Variants in HMOX2 observed in about 807,000 individuals in gnomAD.
HMOX2 encodes the protein heme oxygenase (decycling) 2.
Under a neutral mutation model 33.7 loss-of-function variants are expected in HMOX2, and 30 were observed. That is an observed-to-expected ratio of 0.89 (90% CI 0.67 to 1.21). The LOEUF is 1.21. Among genes scored for constraint, HMOX2 ranks in the 50% most tolerant of loss-of-function variants. The pLI, the probability that HMOX2 is intolerant of heterozygous loss-of-function variation, is 0.00. For synonymous variants in HMOX2, 155 were observed against 155.0 expected, an observed-to-expected ratio of 1.00 and a Z score of 0.00; for missense variants, 403 against 399.1, an observed-to-expected ratio of 1.01 and a Z score of -0.08.
At chr16:4,478,984 G>T (rs149165398) in intron 1 of HMOX2, among the ~76,000 whole-genome samples, 1 of 151,682 alleles carries the variant, frequency 6.6e-6, no homozygotes, top group Admixed American at 6.6e-5. Context: ...GTGAAACCCC[G>T]TCTCTACTAA....
chr16:4,486,800 C>G (rs371942845), intron 1 of HMOX2, among the ~76,000 whole-genome samples: 1 of 152,212 alleles, frequency 6.6e-6, no homozygotes, highest in African/African-American at 2.4e-5. Flanking sequence ...TATCTTATGT[C>G]TCCTAGACCA....
chr16:4,506,406 C>T (rs1390147935), intron 2 of HMOX2, among the ~76,000 whole-genome samples: 1 of 152,188 alleles, frequency 6.6e-6, no homozygotes, highest in Non-Finnish European at 1.5e-5. Context: ...CATATAGTCT[C>T]AAAGAAGCTG....
At chr16:4,486,723 G>A (rs888710109) in intron 1 of HMOX2, among the ~76,000 whole-genome samples, 1 of 152,166 alleles carries the variant, frequency 6.6e-6, no homozygotes, top group South Asian at 2.1e-4. Flanking sequence ...ATAAGAGACC[G>A]TGCCCAGAGC....
At chr16:4,481,903 G>C (rs1046078890) in intron 1 of HMOX2, 2 of 152,260 alleles carry the variant, frequency 1.3e-5, no homozygotes, top group Non-Finnish European at 2.9e-5. Context: ...GGAGGGAGAA[G>C]GGAAGGAATA....
chr16:4,486,876 T>C (rs1170105243), intron 1 of HMOX2, among the ~76,000 whole-genome samples: 2 of 152,208 alleles, frequency 1.3e-5, no homozygotes, highest in Non-Finnish European at 2.9e-5. Flanking sequence ...CAGTCCCTTT[T>C]GGCCCCCTTT....
Position 4,505,496 on chromosome 16 carries a change from G to C in HMOX2, c.-29G>C, listed in dbSNP as rs773304208. On this transcript the variant is annotated 5_prime_UTR_variant, in exon 2 of 6. Transcript: ENST00000570646. ...TGTGTCTCTGCAGGACCAGAGGAGC[G>C]AGAGCAGCAAGAACCACACCCAGCA... 2 of 1,562,830 alleles carry C rather than the reference G, an allele frequency of 1.3e-6. No homozygotes were observed. Among genetic ancestry groups the C allele is most frequent in the Non-Finnish European group, 8.7e-7 (1 of 1,143,858 alleles).
At chr16:4,506,809 G>T in intron 2 of HMOX2, 86 bp from the exon 3 acceptor site, 3 of 942,894 alleles carry the variant, frequency 3.2e-6, no homozygotes, top group Non-Finnish European at 3.5e-6. Context: ...TCACCTTGGG[G>T]TGTGGACTCA....
Position 4,507,839 on chromosome 16 carries a change from AAGGAC to A in HMOX2, c.333_337del (p.Lys111AsnfsTer7). On this transcript the variant is annotated frameshift_variant, in exon 4 of 6. Transcript: ENST00000570646. LOFTEE classifies it high-confidence loss of function. ...GCTGCACCGGAAGGAGGCGCTGACC[AAGGAC>A]ATGGAGTATTTCTTTGGTGAAAACT... is the stretch of plus-strand genomic sequence containing the variant. 1 of 1,614,224 alleles carries A rather than the reference AAGGAC, an allele frequency of 6.2e-7. No individual in the cohort carries two copies. The highest frequency in any genetic ancestry group is 8.5e-7 in the Non-Finnish European group (1 of 1,180,040).
At chr16:4,505,054 A>G (rs1026139162) in intron 1 of HMOX2, among the ~76,000 whole-genome samples, 5 of 152,184 alleles carry the variant, frequency 3.3e-5, no homozygotes, top group Admixed American at 1.3e-4. Flanking sequence ...ATTCACTGCT[A>G]GGATTTTGCC....
chr16:4,499,040 C>T (rs1596467063), intron 1 of HMOX2, among the ~76,000 whole-genome samples: 1 of 152,344 alleles, frequency 6.6e-6, no homozygotes, highest in Non-Finnish European at 1.5e-5. Context: ...GCAGATATTC[C>T]TATTTCCTGA....
rs1596480363 is a variant in HMOX2, at chr16:4,509,618, C to G, written c.824-11C>G. ...ACTGATGCCATGTCTCCTATTGGTG[C>G]TGCCACACAGGTGCCCTGGAGGGCA... On this transcript the variant is annotated splice_polypyrimidine_tract_variant and intron_variant, in intron 5 of 5. Transcript: ENST00000570646. 7 of 1,613,450 alleles carry G rather than the reference C, an allele frequency of 4.3e-6. No individual in the cohort carries two copies. In the East Asian group the frequency reaches 1.6e-4, roughly 36 times the overall value.
chr16:4,504,179 C>T (rs1347704089), intron 1 of HMOX2, among the ~76,000 whole-genome samples: 2 of 152,088 alleles, frequency 1.3e-5, no homozygotes, highest in Non-Finnish European at 2.9e-5. Context: ...AGGCTAGGGA[C>T]AGTCTGCTTT....
chr16:4,481,087 CT>C (rs934920138), intron 1 of HMOX2, among the ~76,000 whole-genome samples: 14 of 151,758 alleles, frequency 9.2e-5, no homozygotes, highest in African/African-American at 3.4e-4. Flanking sequence ...TGGCTCGCAC[CT>C]GTAATCCCAG....
intron 4 of HMOX2, among the ~76,000 whole-genome samples, chr16:4,508,866 C>T (rs2058759357): frequency 6.6e-6 from 1 of 152,232 alleles, no homozygotes; most frequent in Admixed American, 6.5e-5. Context: ...CATCTCTGGT[C>T]AGTTCCCAGG....
At position 4,497,191 on chromosome 16, in the gene HMOX2, G is replaced by A. The variant is rs1431880592; in HGVS notation, c.-41-8293G>A. On this transcript the variant is annotated intron_variant, in intron 1 of 5. Transcript: ENST00000570646. ...CTGAAGCTTACAGGTGACAATTTTT[G>A]TGCCTGTATGAAAGGAAACATGACT... Among the ~76,000 whole-genome samples, 3 of 152,192 alleles carry A rather than the reference G, an allele frequency of 2.0e-5. No homozygotes were observed. The East Asian group carries it at 5.8e-4, about 29-fold the overall frequency.
intron 1 of HMOX2, among the ~76,000 whole-genome samples, chr16:4,500,074 G>C (rs942951921): frequency 3.9e-5 from 6 of 152,162 alleles, no homozygotes; most frequent in Non-Finnish European, 8.8e-5. Context: ...ATTGGACCCT[G>C]ATCTGAATCT....
At chr16:4,482,559 C>G (rs975305539) in intron 1 of HMOX2, among the ~76,000 whole-genome samples, 15 of 152,272 alleles carry the variant, frequency 9.9e-5, no homozygotes, top group African/African-American at 3.6e-4. Context: ...AAAACTGTCC[C>G]AACTTGAGGC....
intron 1 of HMOX2, among the ~76,000 whole-genome samples, chr16:4,483,013 G>A (rs1213877633): frequency 3.3e-5 from 5 of 151,906 alleles, no homozygotes; most frequent in Admixed American, 1.3e-4. Flanking sequence ...CAGCCTGGGC[G>A]ACAGACTGGA....
chr16:4,485,968 C>T (rs1016004497), intron 1 of HMOX2, among the ~76,000 whole-genome samples: 7 of 152,268 alleles, frequency 4.6e-5, no homozygotes, highest in Non-Finnish European at 1.0e-4. Context: ...AGGTGATCCA[C>T]CCACCTCAGC....
Sources: allele counts gnomAD v4.1 joint callset (sites outside exome capture counted in the v4.1 genomes callset), GRCh38; gene constraint gnomAD v4.1.1; transcripts MANE v1.5; gene names NCBI Gene and HGNC (gene_info 2026-07-23, HGNC 2026-07-21).